The following CCDC178 variants were observed in gnomAD, a reference collection of about 807,000 sequenced individuals.
CCDC178 encodes the protein coiled-coil domain-containing protein 178.
Under a neutral mutation model 117.4 loss-of-function variants are expected in CCDC178, and 126 were observed. The observed-to-expected ratio is 1.07, with a 90% CI of 0.93 to 1.24. The LOEUF (loss-of-function observed/expected upper bound fraction) is 1.24. Among genes scored for constraint, CCDC178 ranks in the 50% most tolerant of loss-of-function variants. The pLI is 0.00. For synonymous variants in CCDC178, 283 were observed against 313.4 expected (o/e 0.90, Z 1.02); for missense variants, 1,030 against 986.9 (o/e 1.04, Z -0.59).
At chr18:33,352,303 T>G (rs939571300) in intron 7 of CCDC178, among the ~76,000 whole-genome samples, 8 of 152,152 alleles carry the variant, frequency 5.3e-5, no homozygotes, top group African/African-American at 1.9e-4. Context: ...AATTTGTAAT[T>G]GAGTCTTCTT....
chr18:33,104,898 G>A (rs774380887), intron 20 of CCDC178, among the ~76,000 whole-genome samples: 3 of 151,742 alleles, frequency 2.0e-5, no homozygotes, highest in Non-Finnish European at 4.4e-5. Flanking sequence ...GTAGGGAAGT[G>A]TAAGTGTGCC....
At chr18:33,158,945 G>C (rs939892202) in intron 20 of CCDC178, among the ~76,000 whole-genome samples, 21 of 152,050 alleles carry the variant, frequency 1.4e-4, no homozygotes, top group Admixed American at 1.3e-3. Context: ...GTAGGTTTAT[G>C]GGCTGACAAT....
chr18:32,983,592 A>T (rs532389311), intron 21 of CCDC178, among the ~76,000 whole-genome samples: 1 of 152,252 alleles, frequency 6.6e-6, no homozygotes, highest in South Asian at 2.1e-4. Flanking sequence ...TCTGGAAAAA[A>T]TAATGAGCTT....
At chr18:33,371,550 G>C (rs902338115) in intron 5 of CCDC178, among the ~76,000 whole-genome samples, 2 of 151,802 alleles carry the variant, frequency 1.3e-5, no homozygotes, top group African/African-American at 2.4e-5. Context: ...AGCTGTGAAG[G>C]CTGTTTTTAT....
chr18:33,226,258 T>G (rs1270819481), intron 16 of CCDC178, among the ~76,000 whole-genome samples: 1 of 152,136 alleles, frequency 6.6e-6, no homozygotes, highest in Non-Finnish European at 1.5e-5. Flanking sequence ...TTCAAATATG[T>G]AAGTATTTCT....
chr18:33,044,055 G>GTGTGTGTGTGTGTA (rs199576228), intron 21 of CCDC178, among the ~76,000 whole-genome samples: 13 of 151,498 alleles, frequency 8.6e-5, no homozygotes, highest in African/African-American at 3.1e-4. Context: ...ATATGTGTGT[G>GTGTGTGTGTGTGTA]TGTGTGTGTG....
intron 19 of CCDC178, among the ~76,000 whole-genome samples, chr18:33,213,020 G>A (rs904635652): frequency 1.3e-5 from 2 of 151,792 alleles, no homozygotes; most frequent in African/African-American, 4.8e-5. Flanking sequence ...AAGGCAGCAA[G>A]ACTAATATTT....
chr18:33,273,132 T>G (rs995386028), intron 12 of CCDC178, among the ~76,000 whole-genome samples: 9 of 151,508 alleles, frequency 5.9e-5, no homozygotes, highest in Non-Finnish European at 8.9e-5. Flanking sequence ...AAAGGATTTG[T>G]GTAGAGAAAG....
intron 5 of CCDC178, among the ~76,000 whole-genome samples, chr18:33,381,788 A>G (rs556726413): frequency 1.5e-4 from 23 of 152,274 alleles, no homozygotes; most frequent in Middle Eastern, 3.4e-3. Context: ...CCGCTGATAC[A>G]CTATGTAACT....
At chr18:33,283,708 T>C (rs2060053710) in intron 12 of CCDC178, among the ~76,000 whole-genome samples, 1 of 152,048 alleles carries the variant, frequency 6.6e-6, no homozygotes, top group Admixed American at 6.6e-5. Flanking sequence ...CAATGAAATA[T>C]CATCTCACAC....
chr18:33,437,710 GC>G (rs2064310926), intron 2 of CCDC178: 2 of 152,288 alleles, frequency 1.3e-5, no homozygotes, highest in African/African-American at 4.8e-5. Context: ...TTCCTCATGG[GC>G]CCCATTACTG....
intron 21 of CCDC178, among the ~76,000 whole-genome samples, chr18:32,996,875 A>T (rs1834904678): frequency 6.6e-6 from 1 of 152,196 alleles, no homozygotes; most frequent in Admixed American, 6.5e-5. Flanking sequence ...TCAATAAGAA[A>T]AAAGAATACC....
chr18:33,115,778 C>T (rs1338801812), intron 20 of CCDC178, among the ~76,000 whole-genome samples: 1 of 151,962 alleles, frequency 6.6e-6, no homozygotes, highest in Non-Finnish European at 1.5e-5. Context: ...ATTCTGAGTC[C>T]TTTCAAGGAG....
At chr18:33,424,781 G>A (rs532753125) in intron 2 of CCDC178, among the ~76,000 whole-genome samples, 8 of 152,324 alleles carry the variant, frequency 5.3e-5, no homozygotes, top group African/African-American at 1.9e-4. Context: ...GACAGTGTGA[G>A]AAAGCTGCTA....
chr18:33,155,030 A>T (rs2058378813), intron 20 of CCDC178, among the ~76,000 whole-genome samples: 1 of 152,124 alleles, frequency 6.6e-6, no homozygotes, highest in Non-Finnish European at 1.5e-5. Flanking sequence ...AACATAATTG[A>T]GATTATAGAT....
chr18:33,008,572 T>G (rs922589982), intron 21 of CCDC178, among the ~76,000 whole-genome samples: 2 of 152,102 alleles, frequency 1.3e-5, no homozygotes, highest in Admixed American at 1.3e-4. Flanking sequence ...AATCTTCTCA[T>G]GCCCACATTT....
At chr18:33,249,260 T>C (rs1295216974) in intron 14 of CCDC178, among the ~76,000 whole-genome samples, 1 of 152,190 alleles carries the variant, frequency 6.6e-6, no homozygotes, top group South Asian at 2.1e-4. Context: ...GTGCAGAAGC[T>C]CTTCAGTTTA....
chr18:33,179,078 AATATATATATATATATAT>A (rs1555656270), intron 20 of CCDC178, among the ~76,000 whole-genome samples: 1 of 55,852 alleles, frequency 1.8e-5, no homozygotes, highest in Non-Finnish European at 2.9e-5. Context: ...AAAAAAAAAA[AATATATATATATATATAT>A]ATATATATAT....
chr18:33,054,968 A>T (rs1309971774), intron 21 of CCDC178, among the ~76,000 whole-genome samples: 1 of 152,220 alleles, frequency 6.6e-6, no homozygotes, highest in African/African-American at 2.4e-5. Flanking sequence ...AATAGTAGCC[A>T]TTCTGACTGG....
Sources: allele counts gnomAD v4.1 joint callset (sites outside exome capture counted in the v4.1 genomes callset), GRCh38; gene constraint gnomAD v4.1.1; transcripts MANE v1.5; gene names NCBI Gene and HGNC (gene_info 2026-07-23, HGNC 2026-07-21).